KAZN: variants seen among roughly 807,000 people sequenced by gnomAD.
KAZN encodes kazrin.
Under a neutral mutation model 87.4 loss-of-function variants are expected in KAZN, and 40 were observed. That is an observed-to-expected ratio of 0.46 (90% CI 0.36 to 0.60). KAZN has a LOEUF of 0.60. KAZN is among the 20% of genes least tolerant of loss of function. The probability of loss-of-function intolerance (pLI) is 0.00; values close to 1 mark genes in which losing one functional copy is unlikely to be tolerated. For missense variants in KAZN, 898 were observed against 1,073.9 expected, an observed-to-expected ratio of 0.84 and a Z score of 2.29; for synonymous variants, 466 against 458.3, an observed-to-expected ratio of 1.02 and a Z score of -0.22.
At chr1:14,627,920 C>T (rs1476837800) in intron 1 of KAZN, among the ~76,000 whole-genome samples, 7 of 152,118 alleles carry the variant, frequency 4.6e-5, no homozygotes, top group Non-Finnish European at 8.8e-5. Context: ...ATTTGGGTCA[C>T]GTGTGAATCA....
chr1:13,993,492 C>G (rs1221217675), intron 1 of KAZN, among the ~76,000 whole-genome samples: 1 of 152,152 alleles, frequency 6.6e-6, no homozygotes, highest in East Asian at 1.9e-4. Context: ...AGAATTTTAT[C>G]TGGCATTGTC....
intron 10 of KAZN, among the ~76,000 whole-genome samples, chr1:15,100,051 G>A (rs1235083575): frequency 1.3e-5 from 2 of 152,102 alleles, no homozygotes; most frequent in East Asian, 3.9e-4. Context: ...AGGACAGCTA[G>A]AGGCTGAGAG....
chr1:13,923,334 G>A (rs191441873), intron 1 of KAZN, among the ~76,000 whole-genome samples: 1 of 152,116 alleles, frequency 6.6e-6, no homozygotes, highest in African/African-American at 2.4e-5. Flanking sequence ...AGCACTTTGG[G>A]AGGCTGAGGT....
At chr1:13,922,596 G>A (rs1640109752) in intron 1 of KAZN, among the ~76,000 whole-genome samples, 1 of 152,184 alleles carries the variant, frequency 6.6e-6, no homozygotes, top group Non-Finnish European at 1.5e-5. Flanking sequence ...GTCTGTCCCT[G>A]AATGGGAAGG....
chr1:14,772,672 G>A (rs548106553), intron 1 of KAZN, among the ~76,000 whole-genome samples: 25 of 152,156 alleles, frequency 1.6e-4, no homozygotes, highest in Admixed American at 1.0e-3. Flanking sequence ...GGTGGCTCCC[G>A]ATTCAGACAA....
chr1:14,695,510 CTTT>C (rs112667110), intron 1 of KAZN, among the ~76,000 whole-genome samples: 10 of 85,030 alleles, frequency 1.2e-4, no homozygotes, highest in Non-Finnish European at 8.2e-5. Context: ...TACATTCCAT[CTTT>C]TTTTTTTTTT....
At chr1:14,028,044 C>T (rs975071989) in intron 1 of KAZN, among the ~76,000 whole-genome samples, 2 of 152,182 alleles carry the variant, frequency 1.3e-5, no homozygotes, top group Admixed American at 1.3e-4. Flanking sequence ...CTGCTCCTCA[C>T]TGGTGAGGCA....
At chr1:14,699,462 T>C (rs1641799883) in intron 1 of KAZN, among the ~76,000 whole-genome samples, 1 of 152,180 alleles carries the variant, frequency 6.6e-6, no homozygotes, top group Admixed American at 6.5e-5. Flanking sequence ...GGGAATACGA[T>C]GGTGAGTGGA....
intron 1 of KAZN, among the ~76,000 whole-genome samples, chr1:14,871,318 C>T (rs12564579): frequency 0.39 from 58,561 of 151,604 alleles, 11,339 homozygotes; most frequent in South Asian, 0.43. Context: ...GAACCTTCTG[C>T]TTGAGGAACA....
chr1:14,031,157 G>A (rs1426723881), intron 1 of KAZN, among the ~76,000 whole-genome samples: 1 of 152,136 alleles, frequency 6.6e-6, no homozygotes, highest in African/African-American at 2.4e-5. Flanking sequence ...TAAGCTAGTT[G>A]CAATTAACAG....
intron 1 of KAZN, among the ~76,000 whole-genome samples, chr1:14,792,585 C>T (rs1431963155): frequency 6.6e-6 from 1 of 151,990 alleles, no homozygotes; most frequent in African/African-American, 2.4e-5. Flanking sequence ...AGGAAACAAT[C>T]GGTGCAGGAA....
intron 2 of KAZN, among the ~76,000 whole-genome samples, chr1:14,400,655 A>G (rs1220839023): frequency 6.6e-6 from 1 of 152,156 alleles, no homozygotes; most frequent in Non-Finnish European, 1.5e-5. Context: ...CCTCTGTAAT[A>G]AGTATGTAAT....
intron 2 of KAZN, among the ~76,000 whole-genome samples, chr1:14,566,961 C>G (rs1186298312): frequency 6.6e-6 from 1 of 152,214 alleles, no homozygotes; most frequent in Non-Finnish European, 1.5e-5. Context: ...TCTTCCTTAT[C>G]ATTCATGTGT....
chr1:13,935,414 G>T (rs2206585), intron 1 of KAZN, among the ~76,000 whole-genome samples: 119,719 of 152,068 alleles, frequency 0.79, 47,206 homozygotes, highest in South Asian at 0.93. Context: ...GGGCAGAAAC[G>T]GGGATTCAAA....
At chr1:14,725,031 G>C (rs1245185758) in intron 1 of KAZN, among the ~76,000 whole-genome samples, 1 of 152,200 alleles carries the variant, frequency 6.6e-6, no homozygotes, top group Non-Finnish European at 1.5e-5. Flanking sequence ...TGAAAAATCG[G>C]TGTAAACAGG....
At chr1:14,682,310 C>A (rs1640718110) in intron 1 of KAZN, among the ~76,000 whole-genome samples, 2 of 131,536 alleles carry the variant, frequency 1.5e-5, no homozygotes, top group Admixed American at 7.8e-5. Flanking sequence ...TTTTTTAAGA[C>A]AGGGTCTTGC....
chr1:14,607,762 T>A (rs184920650), intron 1 of KAZN, among the ~76,000 whole-genome samples: 1 of 152,198 alleles, frequency 6.6e-6, no homozygotes, highest in East Asian at 1.9e-4. Context: ...AAGGGAACAG[T>A]GGACCCCAGA....
intron 1 of KAZN, among the ~76,000 whole-genome samples, chr1:13,915,445 G>A (rs1057452431): frequency 5.9e-5 from 9 of 152,148 alleles, no homozygotes; most frequent in East Asian, 5.8e-4. Context: ...TGGAGGACCC[G>A]CAATAGCAAA....
At chr1:14,750,041 C>T (rs935673353) in intron 1 of KAZN, among the ~76,000 whole-genome samples, 1 of 152,130 alleles carries the variant, frequency 6.6e-6, no homozygotes, top group African/African-American at 2.4e-5. Flanking sequence ...CATGCAAAAA[C>T]CAGTGACATC....
Sources: allele counts gnomAD v4.1 joint callset (sites outside exome capture counted in the v4.1 genomes callset), GRCh38; gene constraint gnomAD v4.1.1; transcripts MANE v1.5; gene names NCBI Gene and HGNC (gene_info 2026-07-23, HGNC 2026-07-21).